The following SLC25A30 variants were observed in gnomAD, a reference collection of about 807,000 sequenced individuals.
The protein encoded by SLC25A30 is solute carrier family 25 member 30, also known as kidney mitochondrial carrier protein 1.
SLC25A30 carries 29 observed loss-of-function variants against 42.7 expected under a neutral mutation model. That is an observed-to-expected ratio of 0.68 (90% CI 0.51 to 0.93). The LOEUF is 0.93. Among genes scored for constraint, SLC25A30 ranks in the 40% least tolerant of loss-of-function variants. SLC25A30 has a pLI of 0.00. For missense variants in SLC25A30, 300 were observed against 359.7 expected, an observed-to-expected ratio of 0.83 and a Z score of 1.34; for synonymous variants, 124 against 131.0, an observed-to-expected ratio of 0.95 and a Z score of 0.37.
At chr13:45,425,388 G>T in the SLC25A30 span, among the ~76,000 whole-genome samples, 1 of 105,616 alleles carries the variant, frequency 9.5e-6, no homozygotes, top group East Asian at 2.5e-4. Context: ...AAGTATATAT[G>T]AAAATATATA....
In SLC25A30 at chr13:45,409,593, G is replaced by A. The variant is rs548278921; in HGVS notation, c.65-519C>T. On this transcript the variant is annotated intron_variant, in intron 2 of 9. Coordinates refer to ENST00000519676, the MANE Select transcript of SLC25A30 (RefSeq NM_001010875.4). ...GGAGGCTGAGGTGGGCGGATCACCT[G>A]AGGTTAGGAGTTCCAAACCAACCTG... 3.9e-5 allele frequency among the ~76,000 whole-genome samples: 6 copies of A among 152,248 alleles called. No homozygotes were observed. The East Asian group carries it at 1.2e-3, about 29-fold the overall frequency.
At chr13:45,423,656 T>A in the SLC25A30 span, among the ~76,000 whole-genome samples, 14 of 49,578 alleles carry the variant, frequency 2.8e-4, no homozygotes, top group African/African-American at 1.5e-3. Flanking sequence ...CATATTTATA[T>A]AAATATATAT....
rs964529499 is a variant in SLC25A30, at chr13:45,401,284, T to C, written c.490-77A>G. 20 of 1,451,534 alleles carry C rather than the reference T, an allele frequency of 1.4e-5. No individual in the cohort carries two copies. The African/African-American group carries it at 2.7e-4, about 19-fold the overall frequency. 89.9% of individuals were successfully genotyped at this position (1,451,534 alleles called of 1,614,324 possible). A position where few individuals can be genotyped will look rare whatever the true frequency, so the allele number is the denominator to read the frequency against. On this transcript the variant is annotated intron_variant, in intron 6 of 9. Transcript: ENST00000519676. ...AAGCCTTGCAAATGTGCAAAGGTTCTAATCCATAAACTATGATCAAGGTTT... is the reference window on the plus strand; with the variant it reads ...AAGCCTTGCAAATGTGCAAAGGTTCCAATCCATAAACTATGATCAAGGTTT...
chr13:45,414,033 C>A (rs1175446547), intron 1 of SLC25A30, among the ~76,000 whole-genome samples: 1 of 152,142 alleles, frequency 6.6e-6, no homozygotes, highest in African/African-American at 2.4e-5. Context: ...TGGGATGAAT[C>A]ACATGCCCAT....
chr13:45,426,096 A>G, the SLC25A30 span, among the ~76,000 whole-genome samples: 3 of 150,042 alleles, frequency 2.0e-5, no homozygotes, highest in Non-Finnish European at 4.4e-5. Flanking sequence ...TTAAATGTAT[A>G]TATTTTTTTG....
the SLC25A30 span, among the ~76,000 whole-genome samples, chr13:45,425,629 A>T: frequency 3.8e-5 from 2 of 52,686 alleles, no homozygotes; most frequent in African/African-American, 1.1e-4. Context: ...TATATATATA[A>T]GTATATATAA....
chr13:45,429,667 C>CA, the SLC25A30 span, among the ~76,000 whole-genome samples: 12 of 150,750 alleles, frequency 8.0e-5, no homozygotes, highest in East Asian at 2.0e-4. Flanking sequence ...CCTGTCTCTA[C>CA]AAAAAAAAAT....
chr13:45,424,011 A>C, the SLC25A30 span, among the ~76,000 whole-genome samples: 20 of 83,050 alleles, frequency 2.4e-4, no homozygotes, highest in Non-Finnish European at 1.1e-4. Context: ...AAAAATATAT[A>C]TAAATCTGTA....
chr13:45,395,006 C>A lies in SLC25A30; in HGVS notation c.*968G>T. 1.0e-6 allele frequency: 1 copy of A among 985,460 alleles called. No homozygotes were observed. The highest frequency in any genetic ancestry group is 4.7e-5 in the South Asian group (1 of 21,290). 61.0% of individuals were successfully genotyped at this position (985,460 alleles called of 1,614,324 possible). ...TCAACAAGACCTTAACAAAGGGCTT[C>A]ATTCACAATTACCATGAGAAGCCCA... On this transcript the variant is annotated 3_prime_UTR_variant, in exon 10 of 10. Transcript: ENST00000519676.
chr13:45,396,704 G>A (rs1881365829), intron 9 of SLC25A30: 2 of 154,384 alleles, frequency 1.3e-5, no homozygotes, highest in South Asian at 2.0e-4. Context: ...CCCAGGAGGC[G>A]GAGGTGGCAG....
rs138358301 is a variant in SLC25A30, at chr13:45,396,012, A to G, written c.838T>C (p.Phe280Leu). ...TTCTTCAACTGCTCGTATGTCACAA[A>G]GAACTGTGGTTATGGGTTAAGGATG... ...LRLGPWNIIF[F>L]VTYEQLKKLD... The change falls in exon 10 of 10, where the codon TTT becomes CTT. Residue 280 changes from phenylalanine (F) to leucine (L), a missense_variant. By Grantham distance (22) the Phe-to-Leu change is conservative (BLOSUM62 0). Coordinates refer to ENST00000519676, the MANE Select transcript of SLC25A30 (RefSeq NM_001010875.4). 7,432 of 1,614,216 alleles carry G rather than the reference A, an allele frequency of 4.6e-3. 30 individuals are homozygous for G. The highest frequency in any genetic ancestry group is 5.7e-3 in the Non-Finnish European group (6,779 of 1,180,018).
chr13:45,405,313 G>A lies in SLC25A30; in HGVS notation c.307+570C>T, dbSNP rs80026869. On this transcript the variant is annotated intron_variant, in intron 4 of 9. Coordinates refer to ENST00000519676, the MANE Select transcript of SLC25A30 (RefSeq NM_001010875.4). ...AATAATTCCTATGAGATAACATGAC[G>A]ACTTATTTGGCACAGAAAGTTTTTA... Among the ~76,000 whole-genome samples the A allele has an allele frequency of 2.3e-3, 350 of 152,264 alleles. 3 individuals carry two copies. The highest frequency in any genetic ancestry group is 7.9e-3 in the African/African-American group (330 of 41,544).
At chr13:45,424,645 A>C in the SLC25A30 span, among the ~76,000 whole-genome samples, 3 of 70,788 alleles carry the variant, frequency 4.2e-5, 1 homozygote, top group Admixed American at 2.4e-4. Context: ...ATATAAACAT[A>C]AATATATATA....
chr13:45,421,605 C>T (rs1340211630), upstream of SLC25A30, among the ~76,000 whole-genome samples: 2 of 152,112 alleles, frequency 1.3e-5, no homozygotes, highest in African/African-American at 4.8e-5. Context: ...CAATCCTGGC[C>T]ACAGCTTTAT....
the SLC25A30 span, among the ~76,000 whole-genome samples, chr13:45,424,586 T>G: frequency 6.8e-3 from 179 of 26,256 alleles, 10 homozygotes; most frequent in African/African-American, 0.017. Flanking sequence ...TAAATATATA[T>G]AAATATATAT....
At chr13:45,403,063 T>C (rs1309165612) in intron 5 of SLC25A30, among the ~76,000 whole-genome samples, 3 of 152,212 alleles carry the variant, frequency 2.0e-5, no homozygotes, top group East Asian at 1.9e-4. Flanking sequence ...AGAACTGTTA[T>C]TGCCACACGA....
intron 2 of SLC25A30, 53 bp downstream of exon 2, chr13:45,411,309 C>G: frequency 7.9e-7 from 1 of 1,273,448 alleles, no homozygotes; most frequent in South Asian, 1.2e-5. Flanking sequence ...ACATTCACAT[C>G]AAACACCATC....
chr13:45,423,069 G>A (rs182178347), upstream of SLC25A30, among the ~76,000 whole-genome samples: 5 of 152,198 alleles, frequency 3.3e-5, no homozygotes, highest in Middle Eastern at 3.4e-3. Flanking sequence ...CGTTGGGGTA[G>A]GGACCCAGTC....
Position 45,394,701 on chromosome 13 carries a change from AAAAG to A in SLC25A30, c.*1269_*1272del, listed in dbSNP as rs1450922678. Reference sequence around the variant, plus strand: ...AAGAATAAGAAAATAGAAAAAGAAAAAAAGAAGAGGGAGAATGACTTATTGTGTC... The same window carrying A: ...AAGAATAAGAAAATAGAAAAAGAAAAAAGAGGGAGAATGACTTATTGTGTC... On this transcript the variant is annotated 3_prime_UTR_variant, in exon 10 of 10. Transcript: ENST00000519676. The A allele has an allele frequency of 5.1e-6, 5 of 984,974 alleles. No individual in the cohort carries two copies. The highest frequency in any genetic ancestry group is 6.0e-6 in the Non-Finnish European group (5 of 829,664). 61.0% of individuals were successfully genotyped at this position (984,974 alleles called of 1,614,324 possible). A position where few individuals can be genotyped will look rare whatever the true frequency, so the allele number is the denominator to read the frequency against.
Sources: gnomAD v4.1 joint callset for allele counts (sites outside exome capture counted in the v4.1 genomes callset) on GRCh38, gnomAD v4.1.1 for gene constraint, MANE v1.5 for transcripts, NCBI Gene and HGNC (gene_info 2026-07-23, HGNC 2026-07-21) for gene names.